Variants in GTF3C4 observed in about 807,000 individuals in gnomAD.
GTF3C4 encodes the protein general transcription factor IIIC subunit 4.
GTF3C4 carries 28 observed loss-of-function variants against 67.5 expected under a neutral mutation model. The observed-to-expected ratio is 0.41, with a 90% CI of 0.31 to 0.57. GTF3C4 has a LOEUF of 0.57. GTF3C4 is among the 20% of genes least tolerant of loss of function. GTF3C4 has a pLI of 0.21. For synonymous variants in GTF3C4, 409 were observed against 393.0 expected (o/e 1.04, Z -0.48); for missense variants, 831 against 1,033.2 (o/e 0.80, Z 2.68).
At chr9:132,676,135 A>G (rs1835861854) in intron 1 of GTF3C4, among the ~76,000 whole-genome samples, 1 of 151,374 alleles carries the variant, frequency 6.6e-6, no homozygotes, top group South Asian at 2.1e-4. Flanking sequence ...TCCTGACCTC[A>G]TGATCCGCCC....
At chr9:132,680,837 G>A (rs778760765) in intron 2 of GTF3C4, among the ~76,000 whole-genome samples, 1 of 152,204 alleles carries the variant, frequency 6.6e-6, no homozygotes, top group Admixed American at 6.5e-5. Context: ...GGGGCTGGGC[G>A]TGGTGGCTCA....
Position 132,687,219 on chromosome 9 carries a change from TAC to T in GTF3C4, c.2316-18_2316-17del, listed in dbSNP as rs775277778. ...TAGAGCAAACCCTCTCCCTTGCCAA[TAC>T]AGTCTGTCTTCTTTCAGGTGCTTCT... On this transcript the variant is annotated intron_variant, in intron 3 of 4. Coordinates refer to ENST00000372146, the MANE Select transcript of GTF3C4 (RefSeq NM_012204.4). The T allele has an allele frequency of 2.1e-6, 3 of 1,408,874 alleles. No homozygotes were observed. The highest frequency in any genetic ancestry group is 2.3e-5 in the East Asian group (1 of 44,024). 87.3% of individuals were successfully genotyped at this position (1,408,874 alleles called of 1,614,324 possible).
chr9:132,679,138 A>T lies in GTF3C4; in HGVS notation c.1519A>T (p.Asn507Tyr). 1 of 1,614,140 alleles carries T rather than the reference A, an allele frequency of 6.2e-7. No homozygotes were observed. The highest frequency in any genetic ancestry group is 8.5e-7 in the Non-Finnish European group (1 of 1,180,008). ...CAACGGCCTCCACCCTGTTAACAAA[A>T]ACTACCAGGTCCAATTTGTTACTCT... ...MINGLHPVNK[N>Y]YQVQFVTLKT... The change falls in exon 2 of 5, where the codon AAC becomes TAC. Residue 507 changes from asparagine (N) to tyrosine (Y), a missense_variant. Asn to Tyr is a moderately radical substitution (Grantham distance 143). Transcript: ENST00000372146. This position sits in a 1 kb window ranked among gnomAD's most constrained non-coding sequence, Gnocchi z 5.9.
Position 132,689,231 on chromosome 9 carries a change from G to A in GTF3C4, c.*286G>A. The A allele has an allele frequency of 2.7e-6, 1 of 376,926 alleles. No individual in the cohort carries two copies. Among genetic ancestry groups the A allele is most frequent in the Non-Finnish European group, 5.0e-6 (1 of 200,612 alleles). 23.3% of individuals were successfully genotyped at this position (376,926 alleles called of 1,614,324 possible). A position where few individuals can be genotyped will look rare whatever the true frequency, so the allele number is the denominator to read the frequency against. ...ATGAGGAACACTTACTTATTTTTAA[G>A]TATCTTGACAGAAGCAATTTGAACA... On this transcript the variant is annotated 3_prime_UTR_variant, in exon 5 of 5. Transcript: ENST00000372146.
intron 1 of GTF3C4, 88 bp from the exon 2 acceptor site, chr9:132,677,889 T>C: frequency 9.8e-7 from 1 of 1,021,990 alleles, no homozygotes; most frequent in Non-Finnish European, 1.5e-6. Context: ...AACCAGGCTA[T>C]GAATAATGAC....
rs1835864935 is a variant in GTF3C4, at chr9:132,676,338, T to A, written c.358-1639T>A. ...ATTTGGGGGATTTTTTTTTTTTTTT[T>A]TGCAAAGCCTGGCTCCATCACCCAG... On this transcript the variant is annotated intron_variant, in intron 1 of 4. Coordinates refer to ENST00000372146, the MANE Select transcript of GTF3C4 (RefSeq NM_012204.4). 2.7e-5 allele frequency among the ~76,000 whole-genome samples: 4 copies of A among 150,252 alleles called. 1 individual carries two copies. In the South Asian group the frequency reaches 8.4e-4, roughly 32 times the overall value.
At chr9:132,682,681 T>C (rs1212880367) in intron 2 of GTF3C4, among the ~76,000 whole-genome samples, 2 of 145,142 alleles carry the variant, frequency 1.4e-5, no homozygotes, top group South Asian at 4.4e-4. Context: ...CTCGGCTCAC[T>C]GCAACCTCCA....
rs1219136683 is a variant in GTF3C4 at position 132,670,943 on chromosome 9, C to A, written c.345C>A (p.Ser115Arg). Residue 115 changes from serine to arginine, a missense_variant, in exon 1 of 5, where the codon AGC (serine) becomes AGA (arginine). Coordinates refer to ENST00000372146, the MANE Select transcript of GTF3C4 (RefSeq NM_012204.4). ...HRTSVPAPLN[S>R]CLLKVGSKTE... ...CCTCGGTGCCCGCACCGCTCAACAG[C>A]TGTCTCCTCAAAGTAAGTCATCCCC... 6.2e-7 allele frequency: 1 copy of A among 1,609,644 alleles called. No individual in the cohort carries two copies. The highest frequency in any genetic ancestry group is 8.5e-7 in the Non-Finnish European group (1 of 1,177,430).
At chr9:132,680,175 G>A (rs922314077) in intron 2 of GTF3C4, among the ~76,000 whole-genome samples, 8 of 152,216 alleles carry the variant, frequency 5.3e-5, no homozygotes, top group Non-Finnish European at 1.0e-4. Flanking sequence ...TTTTGTATGG[G>A]AGGGGTGTAG....
rs1217627453 is a variant in GTF3C4 at position 132,694,255 on chromosome 9, T to G, written c.*5310T>G. The G allele has an allele frequency of 6.6e-6, 1 of 152,250 alleles. No individual in the cohort carries two copies. The highest frequency in any genetic ancestry group is 1.5e-5 in the Non-Finnish European group (1 of 68,050). The allele number at this position is 152,250 out of a possible 1,614,324, so 9.4% of individuals were successfully genotyped here. ...CTCCTCAAGGGCAGGAATTGTTTTA[T>G]CTTTGTTGTTCCTGCAGCACCTAAT... On this transcript the variant is annotated 3_prime_UTR_variant, in exon 5 of 5. Transcript: ENST00000372146.
At chr9:132,686,553 C>A (rs1323837382) in intron 3 of GTF3C4, among the ~76,000 whole-genome samples, 1 of 152,170 alleles carries the variant, frequency 6.6e-6, no homozygotes, top group Non-Finnish European at 1.5e-5. Context: ...CCTTTCCCAT[C>A]TCATTGCATC....
intron 2 of GTF3C4, among the ~76,000 whole-genome samples, chr9:132,682,188 GT>G (rs1432082106): frequency 6.6e-6 from 1 of 152,098 alleles, no homozygotes; most frequent in African/African-American, 2.4e-5. Context: ...TGTTTGGCCT[GT>G]CTAGAATAGC....
At chr9:132,670,200 A>C (rs780922409), upstream of GTF3C4, 5 of 1,575,524 alleles carry the variant, frequency 3.2e-6, no homozygotes, top group Non-Finnish European at 4.3e-6. Context: ...CCGAGAGTTC[A>C]CGCTGGGGAA....
rs937804453 is a variant in GTF3C4, at chr9:132,678,651, T to C, written c.1032T>C (p.Pro344=). The C allele has an allele frequency of 6.2e-7, 1 of 1,613,976 alleles. No homozygotes were observed. Among genetic ancestry groups the C allele is most frequent in the African/African-American group, 1.3e-5 (1 of 74,924 alleles). The change falls in exon 2 of 5, where the codon CCT becomes CCC. Residue 344 remains proline (P), a synonymous_variant. Coordinates refer to ENST00000372146, the MANE Select transcript of GTF3C4 (RefSeq NM_012204.4). The surrounding 1 kb of genome is among the most constrained non-coding windows in gnomAD (Gnocchi z 6.5). ...GSAFGPIKIL[P]VNLKAVKGYF... Reference sequence around the variant, plus strand: ...CTTTTGGACCCATAAAAATTCTTCCTGTCAATCTCAAAGCAGTCAAAGGCT... The same window carrying C: ...CTTTTGGACCCATAAAAATTCTTCCCGTCAATCTCAAAGCAGTCAAAGGCT...
rs1243226026 is a variant in GTF3C4 at position 132,689,434 on chromosome 9, C to G, written c.*489C>G. 6.5e-6 allele frequency: 1 copy of G among 154,498 alleles called. No individual in the cohort carries two copies. Among genetic ancestry groups the G allele is most frequent in the Non-Finnish European group, 1.4e-5 (1 of 69,308 alleles). 9.6% of individuals were successfully genotyped at this position (154,498 alleles called of 1,614,324 possible). ...ACCAACAGAGATTAAAAGTGTAAAGCAACACATGGGCTGATGTTTTGTTCT... is the reference window on the plus strand; with the variant it reads ...ACCAACAGAGATTAAAAGTGTAAAGGAACACATGGGCTGATGTTTTGTTCT... On this transcript the variant is annotated 3_prime_UTR_variant, in exon 5 of 5. Transcript: ENST00000372146.
chr9:132,686,852 G>A (rs1415010252), intron 3 of GTF3C4, among the ~76,000 whole-genome samples: 4 of 152,146 alleles, frequency 2.6e-5, no homozygotes, highest in African/African-American at 4.8e-5. Flanking sequence ...GCTGGGCAAC[G>A]TAGCGAGACC....
intron 1 of GTF3C4, among the ~76,000 whole-genome samples, chr9:132,676,513 G>A (rs868768350): frequency 3.2e-4 from 48 of 151,882 alleles, no homozygotes; most frequent in African/African-American, 1.1e-3. Context: ...TAGAGATGGG[G>A]CCTCACTATG....
rs967623901 is a variant in GTF3C4 at position 132,689,036 on chromosome 9, C to T, written c.*91C>T. On this transcript the variant is annotated 3_prime_UTR_variant, in exon 5 of 5. Coordinates refer to ENST00000372146, the MANE Select transcript of GTF3C4 (RefSeq NM_012204.4). ...AAGAGAAGGATGCACTGGAGGAAGC[C>T]GGACCCTCACGAGTGGAGAGAAGTC... 1.3e-5 allele frequency: 12 copies of T among 922,742 alleles called. No homozygotes were observed. Among genetic ancestry groups the T allele is most frequent in the East Asian group, 2.4e-5 (1 of 41,408 alleles). 57.2% of individuals were successfully genotyped at this position (922,742 alleles called of 1,614,324 possible). A position where few individuals can be genotyped will look rare whatever the true frequency, so the allele number is the denominator to read the frequency against.
chr9:132,674,868 A>C (rs1055513356), intron 1 of GTF3C4, among the ~76,000 whole-genome samples: 1 of 152,202 alleles, frequency 6.6e-6, no homozygotes, highest in Admixed American at 6.5e-5. Context: ...CATCTCTACA[A>C]AAAATTTTAA....
Sources: allele counts gnomAD v4.1 joint callset (sites outside exome capture counted in the v4.1 genomes callset), GRCh38; gene constraint gnomAD v4.1.1; non-coding constraint Gnocchi (gnomAD v3.1); transcripts MANE v1.5; gene names NCBI Gene and HGNC (gene_info 2026-07-23, HGNC 2026-07-21).